SOX12: variants seen among roughly 807,000 people sequenced by gnomAD.
The protein encoded by SOX12 is transcription factor SOX-12.
In SOX12, 8 loss-of-function variants were observed where a neutral mutation model predicts 21.5. That is an observed-to-expected ratio of 0.37 (90% CI 0.22 to 0.67). The LOEUF (loss-of-function observed/expected upper bound fraction) is 0.67. Ranked by LOEUF, SOX12 falls within the 30% of genes least tolerant of loss-of-function variation. SOX12 has a pLI of 0.56. For synonymous variants in SOX12, 235 were observed against 224.2 expected (o/e 1.05, Z -0.43); for missense variants, 400 against 482.6 (o/e 0.83, Z 1.60).
At position 327,409 on chromosome 20, in the gene SOX12, A is replaced by G. The variant is rs1422331872; in HGVS notation, c.*537A>G. On this transcript the variant is annotated 3_prime_UTR_variant, in exon 1 of 1. Transcript: ENST00000342665. ...GCTGGGGCCCACCCCCTTCGTGCGCATGCTTAATGCTTCTGGGGAGGAGGG... is the reference window on the plus strand; with the variant it reads ...GCTGGGGCCCACCCCCTTCGTGCGCGTGCTTAATGCTTCTGGGGAGGAGGG... 5.6e-6 allele frequency: 1 copy of G among 177,716 alleles called. No individual in the cohort carries two copies. The highest frequency in any genetic ancestry group is 1.3e-5 in the Non-Finnish European group (1 of 75,252). The allele number at this position is 177,716 out of a possible 1,614,324, so 11.0% of individuals were successfully genotyped here.
At position 326,344 on chromosome 20, in the gene SOX12, G is replaced by A; in HGVS notation, c.420G>A (p.Pro140=). 2 of 1,302,460 alleles carry A rather than the reference G, an allele frequency of 1.5e-6. No individual in the cohort carries two copies. The highest frequency in any genetic ancestry group is 5.4e-5 in the South Asian group (2 of 37,192). 80.7% of individuals were successfully genotyped at this position (1,302,460 alleles called of 1,614,324 possible). ...GCGGCAGCCGGCTCAAGCCCGGGCC[G>A]CAGCTGCCTGGCCGCGGGGGCCGCC... is the stretch of plus-strand genomic sequence containing the variant. ...SGGGSRLKPG[P]QLPGRGGRRA... Residue 140 remains proline (P), a synonymous_variant, in exon 1 of 1, where the codon CCG becomes CCA. Transcript: ENST00000342665. The surrounding 1 kb of genome is among the most constrained non-coding windows in gnomAD (Gnocchi z 9.9).
At position 326,129 on chromosome 20, in the gene SOX12, G is replaced by A. The variant is rs1157480305; in HGVS notation, c.205G>A (p.Glu69Lys). The A allele has an allele frequency of 1.9e-6, 3 of 1,602,674 alleles. No individual in the cohort carries two copies. The highest frequency in any genetic ancestry group is 1.3e-5 in the African/African-American group (1 of 74,260). Residue 69 changes from glutamate (E) to lysine (K), a missense_variant, in exon 1 of 1, where the codon GAG becomes AAG. Coordinates refer to ENST00000342665, the MANE Select transcript of SOX12 (RefSeq NM_006943.4). The surrounding 1 kb of genome is among the most constrained non-coding windows in gnomAD (Gnocchi z 9.9). The stretch of plus-strand genomic sequence containing the variant: ...CCAGTGGCCCGACATGCACAACGCC[G>A]AGATCTCCAAGCGCCTGGGCCGCCG... Reference protein sequence around the residue: ...MDQWPDMHNAEISKRLGRRWQ... With the variant: ...MDQWPDMHNAKISKRLGRRWQ...
At position 328,137 on chromosome 20, in the gene SOX12, C is replaced by T. The variant is rs1017863966; in HGVS notation, c.*1265C>T. ...GAGTAGTGATGGGCCGTTTGCACCT[C>T]GGTTTTTCCACGTGAGAAATGGGGA... On this transcript the variant is annotated 3_prime_UTR_variant, in exon 1 of 1. Transcript: ENST00000342665. The T allele has an allele frequency of 6.0e-6, 1 of 167,144 alleles. No homozygotes were observed. 10.4% of individuals were successfully genotyped at this position (167,144 alleles called of 1,614,324 possible).
chr20:327,028 C>G lies in SOX12; in HGVS notation c.*156C>G, dbSNP rs1353406341. The G allele has an allele frequency of 3.5e-5, 25 of 705,520 alleles. No individual in the cohort carries two copies. The highest frequency in any genetic ancestry group is 6.0e-5 in the Non-Finnish European group (24 of 397,694). The allele number at this position is 705,520 out of a possible 1,614,324, so 43.7% of individuals were successfully genotyped here. A position where few individuals can be genotyped will look rare whatever the true frequency, so the allele number is the denominator to read the frequency against. ...ATCCCCCCTCAGATCCAGACATGCC[C>G]CTCCCCCGCAGACACACCCCAAGGC... On this transcript the variant is annotated 3_prime_UTR_variant, in exon 1 of 1. Coordinates refer to ENST00000342665, the MANE Select transcript of SOX12 (RefSeq NM_006943.4).
rs544211389 is a variant in SOX12 at position 329,440 on chromosome 20, G to C, written c.*2568G>C. 12 of 166,850 alleles carry C rather than the reference G, an allele frequency of 7.2e-5. No individual in the cohort carries two copies. Among genetic ancestry groups the C allele is most frequent in the African/African-American group, 2.9e-4 (12 of 41,442 alleles). 10.3% of individuals were successfully genotyped at this position (166,850 alleles called of 1,614,324 possible). ...GGGCCTGCAAGCAGCCAGGGTCAGA[G>C]ACAGGGCTTGGTTCTGCTTCCTGGT... On this transcript the variant is annotated 3_prime_UTR_variant, in exon 1 of 1. Transcript: ENST00000342665.
Position 328,017 on chromosome 20 carries a change from T to A in SOX12, c.*1145T>A, listed in dbSNP as rs1426530748. The stretch of plus-strand genomic sequence containing the variant: ...GTGCTAGGGGTTTGGGACTGAGGCG[T>A]GGAGAGCAGATGTGATGGCAGGAAG... On this transcript the variant is annotated 3_prime_UTR_variant, in exon 1 of 1. Coordinates refer to ENST00000342665, the MANE Select transcript of SOX12 (RefSeq NM_006943.4). The A allele has an allele frequency of 6.0e-6, 1 of 167,058 alleles. No homozygotes were observed. The highest frequency in any genetic ancestry group is 1.5e-5 in the Non-Finnish European group (1 of 68,152). 10.3% of individuals were successfully genotyped at this position (167,058 alleles called of 1,614,324 possible). A position where few individuals can be genotyped will look rare whatever the true frequency, so the allele number is the denominator to read the frequency against.
chr20:325,910 C>T lies in SOX12; in HGVS notation c.-15C>T. 5.3e-6 allele frequency: 6 copies of T among 1,134,520 alleles called. No homozygotes were observed. Among genetic ancestry groups the T allele is most frequent in the Non-Finnish European group, 6.5e-6 (6 of 926,356 alleles). The allele number at this position is 1,134,520 out of a possible 1,614,324, so 70.3% of individuals were successfully genotyped here. Reference sequence around the variant, plus strand: ...CGGCCCCCGGCGGCGTCTAGCGGCCCCGGGCCCAGGCGCGATGGTGCAGCA... The same window carrying T: ...CGGCCCCCGGCGGCGTCTAGCGGCCTCGGGCCCAGGCGCGATGGTGCAGCA... On this transcript the variant is annotated 5_prime_UTR_variant, in exon 1 of 1. Coordinates refer to ENST00000342665, the MANE Select transcript of SOX12 (RefSeq NM_006943.4). This position sits in a 1 kb window ranked among gnomAD's most constrained non-coding sequence, Gnocchi z 5.0.
chr20:326,566 C>T lies in SOX12; in HGVS notation c.642C>T (p.Ala214=), dbSNP rs764425109. The change falls in exon 1 of 1, where the codon GCC becomes GCT. Residue 214 remains alanine (A), a synonymous_variant. Coordinates refer to ENST00000342665, the MANE Select transcript of SOX12 (RefSeq NM_006943.4). The surrounding 1 kb of genome is among the most constrained non-coding windows in gnomAD (Gnocchi z 9.9). ...QGPSGEGAAA[A]AAASPTPSED... is the part of the protein sequence containing the mutation. ...CGTCGGGCGAGGGGGCGGCCGCCGCCGCCGCCGCCTCCCCGACACCGTCGG... is the reference window on the plus strand; with the variant it reads ...CGTCGGGCGAGGGGGCGGCCGCCGCTGCCGCCGCCTCCCCGACACCGTCGG... 76 of 1,521,126 alleles carry T rather than the reference C, an allele frequency of 5.0e-5. No homozygotes were observed. The African/African-American group carries it at 9.0e-4, about 18-fold the overall frequency. 94.2% of individuals were successfully genotyped at this position (1,521,126 alleles called of 1,614,324 possible). A position where few individuals can be genotyped will look rare whatever the true frequency, so the allele number is the denominator to read the frequency against.
In SOX12 at chr20:326,569, C is replaced by G; in HGVS notation, c.645C>G (p.Ala215=). The G allele has an allele frequency of 6.6e-7, 1 of 1,522,780 alleles. No homozygotes were observed. Among genetic ancestry groups the G allele is most frequent in the Non-Finnish European group, 8.8e-7 (1 of 1,139,794 alleles). 94.3% of individuals were successfully genotyped at this position (1,522,780 alleles called of 1,614,324 possible). A position where few individuals can be genotyped will look rare whatever the true frequency, so the allele number is the denominator to read the frequency against. ...GPSGEGAAAA[A]AASPTPSEDE... is the part of the protein sequence containing the mutation. ...CGGGCGAGGGGGCGGCCGCCGCCGC[C>G]GCCGCCTCCCCGACACCGTCGGAGG... Residue 215 remains alanine, a synonymous_variant, in exon 1 of 1, where the codon GCC becomes GCG. Coordinates refer to ENST00000342665, the MANE Select transcript of SOX12 (RefSeq NM_006943.4). This position sits in a 1 kb window ranked among gnomAD's most constrained non-coding sequence, Gnocchi z 9.9.
Position 326,718 on chromosome 20 carries a change from T to C in SOX12, c.794T>C (p.Leu265Pro), listed in dbSNP as rs2013103198. The change falls in exon 1 of 1, where the codon CTG (leucine) becomes CCG (proline). Residue 265 changes from leucine (L) to proline (P), a missense_variant. By Grantham distance (98) the Leu-to-Pro change is moderately conservative. Around this residue, in one of 4 missense-constraint regions of SOX12, gnomAD observed 235 missense variants for 219.3 expected, o/e 1.07. Transcript: ENST00000342665. This position sits in a 1 kb window ranked among gnomAD's most constrained non-coding sequence, Gnocchi z 9.9. ...AGGCTGCCCCCTGGCCCGGCCGGCC[T>C]GGACTGCAGCGCCCTGGATCGCGAC... The part of the protein sequence containing the change: ...LSRLPPGPAG[L>P]DCSALDRDPD... 5.0e-6 allele frequency: 8 copies of C among 1,605,486 alleles called. No individual in the cohort carries two copies. The East Asian group carries it at 1.8e-4, about 36-fold the overall frequency.
At position 327,117 on chromosome 20, in the gene SOX12, C is replaced by A; in HGVS notation, c.*245C>A. The A allele has an allele frequency of 1.7e-6, 1 of 575,520 alleles. No homozygotes were observed. The highest frequency in any genetic ancestry group is 2.0e-5 in the South Asian group (1 of 49,876). The allele number at this position is 575,520 out of a possible 1,614,324, so 35.7% of individuals were successfully genotyped here. On this transcript the variant is annotated 3_prime_UTR_variant, in exon 1 of 1. Transcript: ENST00000342665. ...CCCCACGTCGCCCCCTCCTGCACAG[C>A]CACCAGCAGCCAGCCCCCTCCGATA...
In SOX12 at chr20:325,980, G is replaced by C; in HGVS notation, c.56G>C (p.Gly19Ala). ...AKRDGGPPPP[G>A]PGPAEEGARE... The stretch of plus-strand genomic sequence containing the variant: ...CGGGACGGCGGGCCGCCGCCCCCGG[G>C]ACCCGGGCCGGCCGAGGAGGGGGCG... Residue 19 changes from glycine (G) to alanine (A), a missense_variant, in exon 1 of 1, where the codon GGA becomes GCA. Around this residue, in one of 4 missense-constraint regions of SOX12, gnomAD observed 56 missense variants for 51.5 expected, o/e 1.09. Coordinates refer to ENST00000342665, the MANE Select transcript of SOX12 (RefSeq NM_006943.4). This position sits in a 1 kb window ranked among gnomAD's most constrained non-coding sequence, Gnocchi z 5.0. 6.9e-7 allele frequency: 1 copy of C among 1,449,534 alleles called. No homozygotes were observed. The highest frequency in any genetic ancestry group is 9.1e-7 in the Non-Finnish European group (1 of 1,095,374). 89.8% of individuals were successfully genotyped at this position (1,449,534 alleles called of 1,614,324 possible).
In SOX12 at chr20:326,352, C is replaced by A. The variant is rs1386644328; in HGVS notation, c.428C>A (p.Pro143His). ...CGGCTCAAGCCCGGGCCGCAGCTGC[C>A]TGGCCGCGGGGGCCGCCGAGCAGCG... ...GSRLKPGPQL[P>H]GRGGRRAAGG... is the part of the protein sequence containing the mutation. The change falls in exon 1 of 1, where the codon CCT becomes CAT. Residue 143 changes from proline (P) to histidine (H), a missense_variant. Physicochemically the swap from Pro to His is moderately conservative, Grantham distance 77 (BLOSUM62 -2). This residue lies in a region of SOX12 where 235 missense variants were observed against 219.3 expected (regional missense o/e 1.07). Transcript: ENST00000342665. The surrounding 1 kb of genome is among the most constrained non-coding windows in gnomAD (Gnocchi z 9.9). The A allele has an allele frequency of 4.6e-6, 6 of 1,299,158 alleles. No individual in the cohort carries two copies. In the East Asian group the frequency reaches 1.9e-4, roughly 41 times the overall value. The allele number at this position is 1,299,158 out of a possible 1,614,324, so 80.5% of individuals were successfully genotyped here. A position where few individuals can be genotyped will look rare whatever the true frequency, so the allele number is the denominator to read the frequency against.
chr20:326,824 G>C lies in SOX12; in HGVS notation c.900G>C (p.Ala300=). ...CCCCCGAGGTTACCGAGATGATCGCGGGGGACTGGCGCCCGTCTAGCATCG... is the reference window on the plus strand; with the variant it reads ...CCCCCGAGGTTACCGAGATGATCGCCGGGGACTGGCGCCCGTCTAGCATCG... ...YCTPEVTEMI[A]GDWRPSSIAD... is the part of the protein sequence containing the mutation. Residue 300 remains alanine, a synonymous_variant, in exon 1 of 1, where the codon GCG becomes GCC. Coordinates refer to ENST00000342665, the MANE Select transcript of SOX12 (RefSeq NM_006943.4). This position sits in a 1 kb window ranked among gnomAD's most constrained non-coding sequence, Gnocchi z 9.9. 3 of 1,613,478 alleles carry C rather than the reference G, an allele frequency of 1.9e-6. No homozygotes were observed. The highest frequency in any genetic ancestry group is 2.5e-6 in the Non-Finnish European group (3 of 1,179,896).
In SOX12 at chr20:327,037, C is replaced by T; in HGVS notation, c.*165C>T. The T allele has an allele frequency of 3.0e-6, 2 of 675,354 alleles. No individual in the cohort carries two copies. The highest frequency in any genetic ancestry group is 2.7e-5 in the East Asian group (1 of 36,682). 41.8% of individuals were successfully genotyped at this position (675,354 alleles called of 1,614,324 possible). ...CAGATCCAGACATGCCCCTCCCCCG[C>T]AGACACACCCCAAGGCAGCCCAACC... On this transcript the variant is annotated 3_prime_UTR_variant, in exon 1 of 1. Transcript: ENST00000342665.
In SOX12 at chr20:327,639, T is replaced by TG. The variant is rs930990545; in HGVS notation, c.*771dup. On this transcript the variant is annotated 3_prime_UTR_variant, in exon 1 of 1. Coordinates refer to ENST00000342665, the MANE Select transcript of SOX12 (RefSeq NM_006943.4). ...AAGTGGCATAGCCCCTTTTCCGGTA[T>TG]GGGGTCTCCTACACCCACGCGCACC... 1.8e-5 allele frequency: 3 copies of TG among 167,144 alleles called. No individual in the cohort carries two copies. The highest frequency in any genetic ancestry group is 6.5e-5 in the Admixed American group (1 of 15,290). 10.4% of individuals were successfully genotyped at this position (167,144 alleles called of 1,614,324 possible).
chr20:328,684 C>T lies in SOX12; in HGVS notation c.*1812C>T, dbSNP rs1226911915. The T allele has an allele frequency of 1.2e-5, 2 of 167,062 alleles. No homozygotes were observed. Among genetic ancestry groups the T allele is most frequent in the African/African-American group, 4.8e-5 (2 of 41,414 alleles). The allele number at this position is 167,062 out of a possible 1,614,324, so 10.3% of individuals were successfully genotyped here. ...TGGGGCACTGGCACCCACAGCAGGA[C>T]TCCGCCAGTCTGATGCCAGGACTGA... is the stretch of plus-strand genomic sequence containing the variant. On this transcript the variant is annotated 3_prime_UTR_variant, in exon 1 of 1. Transcript: ENST00000342665.
chr20:326,632 G>A lies in SOX12; in HGVS notation c.708G>A (p.Ala236=), dbSNP rs1310493243. The change falls in exon 1 of 1, where the codon GCG becomes GCA. Residue 236 remains alanine (A), a synonymous_variant. Coordinates refer to ENST00000342665, the MANE Select transcript of SOX12 (RefSeq NM_006943.4). This position sits in a 1 kb window ranked among gnomAD's most constrained non-coding sequence, Gnocchi z 9.9. ...EPEEEEEEAA[A]AEEGEEETVA... ...AGGAAGAGGAGGAGGAGGCGGCAGC[G>A]GCTGAGGAAGGTGAAGAGGAGACGG... 6.5e-7 allele frequency: 1 copy of A among 1,546,600 alleles called. No homozygotes were observed.
Position 328,037 on chromosome 20 carries a change from AG to A in SOX12, c.*1167del, listed in dbSNP as rs1474667075. On this transcript the variant is annotated 3_prime_UTR_variant, in exon 1 of 1. Coordinates refer to ENST00000342665, the MANE Select transcript of SOX12 (RefSeq NM_006943.4). ...AGGCGTGGAGAGCAGATGTGATGGC[AG>A]GAAGACTCTCGCTTTTAAACATCTG... 2 of 167,250 alleles carry A rather than the reference AG, an allele frequency of 1.2e-5. No homozygotes were observed. The highest frequency in any genetic ancestry group is 1.3e-4 in the Admixed American group (2 of 15,290). The allele number at this position is 167,250 out of a possible 1,614,324, so 10.4% of individuals were successfully genotyped here. A position where few individuals can be genotyped will look rare whatever the true frequency, so the allele number is the denominator to read the frequency against.
Sources: allele counts gnomAD v4.1 joint callset, GRCh38; gene constraint gnomAD v4.1.1; regional missense constraint gnomAD v4.1.1; non-coding constraint Gnocchi (gnomAD v3.1); transcripts MANE v1.5; gene names NCBI Gene and HGNC (gene_info 2026-07-23, HGNC 2026-07-21).